PDE4B: variants seen among roughly 807,000 people sequenced by gnomAD.
PDE4B encodes the protein 3',5'-cyclic-AMP phosphodiesterase 4B.
In PDE4B, 20 loss-of-function variants were observed where a neutral mutation model predicts 82.2. That is an observed-to-expected ratio of 0.24 (90% CI 0.17 to 0.35). The LOEUF is 0.35. Ranked by LOEUF, PDE4B falls within the 10% of genes least tolerant of loss-of-function variation. PDE4B has a pLI of 1.00. For missense variants in PDE4B, 655 were observed against 907.2 expected, an observed-to-expected ratio of 0.72 and a Z score of 3.57; for synonymous variants, 320 against 318.9, an observed-to-expected ratio of 1.00 and a Z score of -0.04.
Position 66,072,638 on chromosome 1 carries a change from C to A in PDE4B, c.281+153803C>A, listed in dbSNP as rs149225894. ...ATGCAGCCTTTCAAAATGGTTCCCA[C>A]ATGGCCAACTCACTAGGATTCTCTG... On this transcript the variant is annotated intron_variant, in intron 3 of 16. Coordinates refer to ENST00000341517, the MANE Select transcript of PDE4B (RefSeq NM_002600.4). 1.3e-3 allele frequency among the ~76,000 whole-genome samples: 201 copies of A among 152,178 alleles called. 4 individuals are homozygous for A. Among genetic ancestry groups the A allele is most frequent in the African/African-American group, 4.7e-3 (195 of 41,532 alleles).
chr1:66,178,499 G>A (rs1169671079), intron 3 of PDE4B, among the ~76,000 whole-genome samples: 1 of 152,076 alleles, frequency 6.6e-6, no homozygotes, highest in Non-Finnish European at 1.5e-5. Flanking sequence ...TAATTTTTAA[G>A]TTGTTATTTA....
chr1:66,254,292 A>T (rs1654020611), intron 4 of PDE4B, among the ~76,000 whole-genome samples: 1 of 151,934 alleles, frequency 6.6e-6, no homozygotes, highest in Non-Finnish European at 1.5e-5. Flanking sequence ...AACAAACCAC[A>T]AGATCTTCAC....
chr1:65,901,903 T>C (rs1042679748), intron 1 of PDE4B, among the ~76,000 whole-genome samples: 1 of 152,118 alleles, frequency 6.6e-6, no homozygotes, highest in Admixed American at 6.6e-5. Context: ...ATTTGAGATC[T>C]TTTTAACTTC....
intron 7 of PDE4B, among the ~76,000 whole-genome samples, chr1:66,274,961 C>T (rs570897521): frequency 1.1e-4 from 16 of 151,866 alleles, no homozygotes; most frequent in African/African-American, 1.7e-4. Context: ...TTTTTTTCCT[C>T]CTGAGACTAT....
chr1:66,216,481 G>A (rs1302550793), intron 3 of PDE4B, among the ~76,000 whole-genome samples: 3 of 152,170 alleles, frequency 2.0e-5, no homozygotes, highest in Non-Finnish European at 2.9e-5. Flanking sequence ...AGTTGTGAAT[G>A]TTCAACTACA....
intron 1 of PDE4B, among the ~76,000 whole-genome samples, chr1:65,803,198 C>G (rs565111487): frequency 1.3e-5 from 2 of 152,126 alleles, no homozygotes; most frequent in Admixed American, 6.5e-5. Context: ...TACTTAGAAG[C>G]TGTTTATCCA....
At chr1:65,993,890 A>G (rs113996549) in intron 3 of PDE4B, among the ~76,000 whole-genome samples, 1,778 of 152,284 alleles carry the variant, frequency 0.012, 35 homozygotes, top group African/African-American at 0.041. Flanking sequence ...ATGTAAATAT[A>G]GTAGGGTAAC....
At chr1:65,811,470 A>G (rs572449632) in intron 1 of PDE4B, among the ~76,000 whole-genome samples, 4 of 152,334 alleles carry the variant, frequency 2.6e-5, no homozygotes, top group South Asian at 4.1e-4. Context: ...GACCCATTTT[A>G]TGTGGGTCAT....
chr1:66,087,935 G>A (rs561728610), intron 3 of PDE4B, among the ~76,000 whole-genome samples: 1 of 151,208 alleles, frequency 6.6e-6, no homozygotes, highest in African/African-American at 2.4e-5. Context: ...GAGTTAGTGG[G>A]TGCAGCACAC....
intron 3 of PDE4B, among the ~76,000 whole-genome samples, chr1:66,169,541 C>T (rs1646799459): frequency 6.6e-6 from 1 of 152,180 alleles, no homozygotes; most frequent in Non-Finnish European, 1.5e-5. Flanking sequence ...GGAAATCTGA[C>T]CCCGTGTGTT....
intron 8 of PDE4B, among the ~76,000 whole-genome samples, chr1:66,342,381 G>A (rs181838280): frequency 1.8e-4 from 28 of 151,984 alleles, no homozygotes; most frequent in Admixed American, 5.2e-4. Flanking sequence ...TAGTGTTTTG[G>A]TTATTGGAAT....
At chr1:65,961,049 A>AG (rs1279458385) in intron 3 of PDE4B, among the ~76,000 whole-genome samples, 1 of 152,198 alleles carries the variant, frequency 6.6e-6, no homozygotes, top group Non-Finnish European at 1.5e-5. Context: ...ATTGGACAAG[A>AG]AACAAAACAG....
At chr1:66,307,615 TAG>T (rs1658373170) in intron 7 of PDE4B, among the ~76,000 whole-genome samples, 1 of 152,110 alleles carries the variant, frequency 6.6e-6, no homozygotes, top group South Asian at 2.1e-4. Flanking sequence ...GGAGAATCAG[TAG>T]AGAGATGTAA....
At chr1:66,084,620 C>A (rs1656911037) in intron 3 of PDE4B, among the ~76,000 whole-genome samples, 1 of 152,112 alleles carries the variant, frequency 6.6e-6, no homozygotes, top group African/African-American at 2.4e-5. Context: ...GAGGGATCAA[C>A]CCTCAAAGTA....
At chr1:66,118,511 A>G (rs554426533) in intron 3 of PDE4B, among the ~76,000 whole-genome samples, 1 of 152,086 alleles carries the variant, frequency 6.6e-6, no homozygotes, top group Non-Finnish European at 1.5e-5. Context: ...CATAGGTGGG[A>G]ATTGAACAAT....
At chr1:66,255,021 C>A (rs1654085376) in intron 4 of PDE4B, among the ~76,000 whole-genome samples, 1 of 151,658 alleles carries the variant, frequency 6.6e-6, no homozygotes, top group South Asian at 2.1e-4. Flanking sequence ...TTTTTCTTTT[C>A]TTTTCTCTTT....
At chr1:65,835,334 CAA>C (rs1274883388) in intron 1 of PDE4B, among the ~76,000 whole-genome samples, 1 of 152,112 alleles carries the variant, frequency 6.6e-6, no homozygotes, top group Non-Finnish European at 1.5e-5. Flanking sequence ...GAGCCATTCA[CAA>C]GTTTCTGAAG....
chr1:66,084,876 C>G (rs1656925797), intron 3 of PDE4B, among the ~76,000 whole-genome samples: 2 of 152,106 alleles, frequency 1.3e-5, no homozygotes, highest in African/African-American at 4.8e-5. Flanking sequence ...AGGCATAGTT[C>G]TTGTTTTGGT....
At chr1:66,303,745 T>A (rs1479597972) in intron 7 of PDE4B, among the ~76,000 whole-genome samples, 1 of 152,064 alleles carries the variant, frequency 6.6e-6, no homozygotes, top group Non-Finnish European at 1.5e-5. Flanking sequence ...CATTTGTGTA[T>A]CCTTATGGGA....
Sources: allele counts gnomAD v4.1 joint callset (sites outside exome capture counted in the v4.1 genomes callset), GRCh38; gene constraint gnomAD v4.1.1; transcripts MANE v1.5; gene names NCBI Gene and HGNC (gene_info 2026-07-23, HGNC 2026-07-21).